PDE8A: variants seen among roughly 807,000 people sequenced by gnomAD.
PDE8A encodes the protein high affinity cAMP-specific and IBMX-insensitive 3',5'-cyclic phosphodiesterase 8A.
A neutral mutation model predicts 105.0 loss-of-function variants in PDE8A; 59 were observed. The observed-to-expected ratio is 0.56, with a 90% CI of 0.46 to 0.70. The LOEUF is 0.70. Among genes scored for constraint, PDE8A ranks in the 30% least tolerant of loss-of-function variants. PDE8A has a pLI of 0.00. For synonymous variants in PDE8A, 355 were observed against 371.9 expected (o/e 0.95, Z 0.52); for missense variants, 1,014 against 1,045.9 (o/e 0.97, Z 0.42).
intron 3 of PDE8A, among the ~76,000 whole-genome samples, chr15:85,069,034 G>A (rs1007077341): frequency 6.6e-6 from 1 of 152,136 alleles, no homozygotes; most frequent in African/African-American, 2.4e-5. Flanking sequence ...GAATGTTTTA[G>A]ACTGAAAGTT....
intron 20 of PDE8A, among the ~76,000 whole-genome samples, chr15:85,131,769 T>G (rs918132230): frequency 6.6e-6 from 1 of 152,228 alleles, no homozygotes; most frequent in African/African-American, 2.4e-5. Flanking sequence ...TAGCATTTTT[T>G]GTAGGTCAGG....
intron 17 of PDE8A, among the ~76,000 whole-genome samples, chr15:85,118,552 T>C (rs747281809): frequency 6.6e-6 from 1 of 152,246 alleles, no homozygotes; most frequent in Non-Finnish European, 1.5e-5. Context: ...GCATACCTGA[T>C]ATTGTCATTC....
At chr15:85,125,289 C>T (rs1016305782) in intron 19 of PDE8A, among the ~76,000 whole-genome samples, 1 of 152,140 alleles carries the variant, frequency 6.6e-6, no homozygotes, top group African/African-American at 2.4e-5. Context: ...ATGACTAACT[C>T]CTTTGGAATG....
At chr15:85,049,901 A>G (rs1484924662) in intron 1 of PDE8A, among the ~76,000 whole-genome samples, 1 of 152,156 alleles carries the variant, frequency 6.6e-6, no homozygotes, top group Non-Finnish European at 1.5e-5. Flanking sequence ...TTTTTGAGGA[A>G]TTGCCATTCT....
chr15:85,094,129 C>G (rs2081699631), intron 8 of PDE8A, among the ~76,000 whole-genome samples: 1 of 152,178 alleles, frequency 6.6e-6, no homozygotes, highest in Non-Finnish European at 1.5e-5. Flanking sequence ...TCCCAAAGTA[C>G]TGGGATTACA....
rs996853720 is a variant in PDE8A at position 85,138,696 on chromosome 15, G to A, written c.*793G>A. 2.0e-5 allele frequency: 3 copies of A among 152,210 alleles called. No homozygotes were observed. Among genetic ancestry groups the A allele is most frequent in the Admixed American group, 6.5e-5 (1 of 15,276 alleles). 9.4% of individuals were successfully genotyped at this position (152,210 alleles called of 1,614,324 possible). On this transcript the variant is annotated 3_prime_UTR_variant, in exon 22 of 22. Coordinates refer to ENST00000394553, the MANE Select transcript of PDE8A (RefSeq NM_002605.3). ...CGTATTCTAAGTGCTAAAGAAGGCT[G>A]CTTCTACTGTATAGAACCCAGGGCT...
At chr15:85,131,117 T>C (rs970102060) in intron 20 of PDE8A, among the ~76,000 whole-genome samples, 8 of 152,344 alleles carry the variant, frequency 5.3e-5, no homozygotes, top group Non-Finnish European at 1.2e-4. Context: ...CAGCTCTCTC[T>C]TGGATATTAT....
At chr15:85,090,665 T>G (rs1596507894) in intron 7 of PDE8A, 2 of 388,166 alleles carry the variant, frequency 5.2e-6, no homozygotes, top group East Asian at 1.5e-4. Context: ...TGTTTTGCAC[T>G]CTACCTGGTG....
At chr15:85,042,254 G>T (rs1055891360) in intron 1 of PDE8A, among the ~76,000 whole-genome samples, 1 of 152,072 alleles carries the variant, frequency 6.6e-6, no homozygotes, top group Non-Finnish European at 1.5e-5. Context: ...ATAGCTCACT[G>T]CAGCCTCAAA....
At chr15:85,075,778 C>T in intron 3 of PDE8A, 84 bp from the exon 4 acceptor site, 2 of 756,940 alleles carry the variant, frequency 2.6e-6, no homozygotes, top group Non-Finnish European at 4.3e-6. Context: ...CCTCTTCCAA[C>T]TTTAATTGTT....
Position 85,116,169 on chromosome 15 carries a change from G to A in PDE8A, c.1535+50G>A, listed in dbSNP as rs1365439625. 3 of 1,589,644 alleles carry A rather than the reference G, an allele frequency of 1.9e-6. No individual in the cohort carries two copies. The African/African-American group carries it at 4.0e-5, about 21-fold the overall frequency. ...CGGGAGAACTAGATTCCCAGGGCCT[G>A]TGTGAGGAGGCTACCTGAGGAGTAT... On this transcript the variant is annotated intron_variant, in intron 16 of 21. Transcript: ENST00000394553.
chr15:85,090,200 G>C (rs2081618740), intron 7 of PDE8A, among the ~76,000 whole-genome samples: 1 of 152,322 alleles, frequency 6.6e-6, no homozygotes, highest in Non-Finnish European at 1.5e-5. Context: ...TCCTGCTTCA[G>C]CTGAACAACT....
At chr15:85,114,071 C>G (rs1453586021) in intron 14 of PDE8A, 34 bp downstream of exon 14, 1 of 1,578,430 alleles carries the variant, frequency 6.3e-7, no homozygotes, top group African/African-American at 1.3e-5. Flanking sequence ...TGGCTAGAGC[C>G]TGTCTGTTCT....
intron 3 of PDE8A, among the ~76,000 whole-genome samples, chr15:85,069,488 T>TC (rs927586124): frequency 6.6e-6 from 1 of 152,124 alleles, no homozygotes; most frequent in Non-Finnish European, 1.5e-5. Context: ...AGGAATTGTG[T>TC]CCCCCCACCC....
chr15:85,029,059 A>T (rs2080568055), intron 1 of PDE8A, among the ~76,000 whole-genome samples: 2 of 152,176 alleles, frequency 1.3e-5, no homozygotes, highest in Admixed American at 1.3e-4. Flanking sequence ...TGGAGAGGGC[A>T]TTTAGTATTT....
intron 1 of PDE8A, among the ~76,000 whole-genome samples, chr15:85,020,060 C>T (rs2080398685): frequency 6.7e-6 from 1 of 148,698 alleles, no homozygotes; most frequent in South Asian, 2.1e-4. Flanking sequence ...AATGGAGCCA[C>T]CAGTAAAGTC....
chr15:85,087,299 C>T (rs1433202668), intron 6 of PDE8A, among the ~76,000 whole-genome samples: 2 of 152,222 alleles, frequency 1.3e-5, no homozygotes, highest in African/African-American at 4.8e-5. Context: ...ACCTCTTGGG[C>T]TCAAGCAGTC....
Position 85,123,212 on chromosome 15 carries a change from A to G in PDE8A, c.2085+19A>G. On this transcript the variant is annotated intron_variant, in intron 19 of 21. Transcript: ENST00000394553. Reference sequence around the variant, plus strand: ...AAATGGGGTAAGGGAAACTTATTGCAAAGAGAACCTGTGTTTGGGGTCCTT... The same window carrying G: ...AAATGGGGTAAGGGAAACTTATTGCGAAGAGAACCTGTGTTTGGGGTCCTT... 1 of 1,613,228 alleles carries G rather than the reference A, an allele frequency of 6.2e-7. No individual in the cohort carries two copies. The highest frequency in any genetic ancestry group is 8.5e-7 in the Non-Finnish European group (1 of 1,179,298).
chr15:85,084,134 A>G (rs2081511438), intron 6 of PDE8A, among the ~76,000 whole-genome samples: 1 of 152,010 alleles, frequency 6.6e-6, no homozygotes, highest in Non-Finnish European at 1.5e-5. Context: ...ATATAATTTT[A>G]TCAGCTTGAC....
Sources: allele counts gnomAD v4.1 joint callset (sites outside exome capture counted in the v4.1 genomes callset), GRCh38; gene constraint gnomAD v4.1.1; transcripts MANE v1.5; gene names NCBI Gene and HGNC (gene_info 2026-07-23, HGNC 2026-07-21).